Variants in CATSPER3 observed in about 807,000 individuals in gnomAD.
The protein encoded by CATSPER3 is cation channel sperm-associated protein 3.
Under a neutral mutation model 36.6 loss-of-function variants are expected in CATSPER3, and 23 were observed. That is an observed-to-expected ratio of 0.63 (90% CI 0.45 to 0.89). The LOEUF (loss-of-function observed/expected upper bound fraction) is 0.89, where lower values mean the gene tolerates loss of function less well. Among genes scored for constraint, CATSPER3 ranks in the 40% least tolerant of loss-of-function variants. The pLI is 0.00. For synonymous variants in CATSPER3, 172 were observed against 184.1 expected (o/e 0.93, Z 0.53); for missense variants, 474 against 503.9 (o/e 0.94, Z 0.57).
chr5:134,968,069 C>T lies in CATSPER3; in HGVS notation c.78C>T (p.Cys26=), dbSNP rs1419454371. ...TTGACACTACATCGGTGGGATTTTG[C>T]CCAACATTCAAGAAATTTAAGTAAA... ...SPVDTTSVGF[C]PTFKKFKRND... Residue 26 remains cysteine (C), a synonymous_variant, in exon 1 of 8, where the codon TGC becomes TGT. Coordinates refer to ENST00000282611, the MANE Select transcript of CATSPER3 (RefSeq NM_178019.3). 3 of 1,612,088 alleles carry T rather than the reference C, an allele frequency of 1.9e-6. No individual in the cohort carries two copies. Among genetic ancestry groups the T allele is most frequent in the Non-Finnish European group, 2.5e-6 (3 of 1,178,314 alleles).
intron 2 of CATSPER3, among the ~76,000 whole-genome samples, chr5:134,976,839 C>T (rs531108409): frequency 1.8e-4 from 28 of 152,366 alleles, no homozygotes; most frequent in South Asian, 4.1e-4. Flanking sequence ...GTGGAAGCCA[C>T]CAAGGCTTGC....
At chr5:134,989,490 C>G (rs1751853845) in intron 2 of CATSPER3, among the ~76,000 whole-genome samples, 1 of 152,258 alleles carries the variant, frequency 6.6e-6, no homozygotes, top group Non-Finnish European at 1.5e-5. Flanking sequence ...TAAGGCGTTG[C>G]AGCTTCTCTA....
At chr5:134,978,058 C>T (rs1222565199) in intron 2 of CATSPER3, among the ~76,000 whole-genome samples, 1 of 152,170 alleles carries the variant, frequency 6.6e-6, no homozygotes, top group African/African-American at 2.4e-5. Context: ...TGCTGGGCCC[C>T]ATCTCCAACA....
chr5:134,986,480 G>A (rs1356374536), intron 2 of CATSPER3, among the ~76,000 whole-genome samples: 1 of 32,434 alleles, frequency 3.1e-5, no homozygotes, highest in Non-Finnish European at 5.7e-5. Context: ...TTTTTTTTTT[G>A]AGATGAAGTC....
At chr5:134,974,253 AG>A (rs919444247) in intron 2 of CATSPER3, among the ~76,000 whole-genome samples, 1 of 152,348 alleles carries the variant, frequency 6.6e-6, no homozygotes, top group African/African-American at 2.4e-5. Flanking sequence ...CAAACTCCCC[AG>A]GTTCTTTAAC....
chr5:135,005,551 G>T (rs1374469082), intron 3 of CATSPER3, among the ~76,000 whole-genome samples: 1 of 152,192 alleles, frequency 6.6e-6, no homozygotes, highest in Non-Finnish European at 1.5e-5. Context: ...AGCTGGACCT[G>T]CCCATGGTCG....
At chr5:135,006,315 G>A (rs1231952689) in intron 3 of CATSPER3, among the ~76,000 whole-genome samples, 1 of 152,196 alleles carries the variant, frequency 6.6e-6, no homozygotes, top group Non-Finnish European at 1.5e-5. Context: ...GACCTCAGGT[G>A]GCACCAGCTT....
rs551149198 is a variant in CATSPER3, at chr5:134,997,341, C to A, written c.492+829C>A. ...AGAGGTCTCCCCTGCTGCATACACACCTTTGTTTGTTTCTTGCTGTCATGT... is the reference window on the plus strand; with the variant it reads ...AGAGGTCTCCCCTGCTGCATACACAACTTTGTTTGTTTCTTGCTGTCATGT... On this transcript the variant is annotated intron_variant, in intron 3 of 7. Transcript: ENST00000282611. Among the ~76,000 whole-genome samples the A allele has an allele frequency of 5.9e-5, 9 of 152,348 alleles. No homozygotes were observed. In the East Asian group the frequency reaches 1.7e-3, roughly 29 times the overall value.
chr5:134,999,244 G>C (rs911446383), intron 3 of CATSPER3, among the ~76,000 whole-genome samples: 3 of 152,146 alleles, frequency 2.0e-5, no homozygotes, highest in African/African-American at 7.2e-5. Context: ...TATTATTTCT[G>C]AGGGCTCTGT....
intron 1 of CATSPER3, 119 bp from the exon 2 acceptor site, chr5:134,969,820 G>A: frequency 9.7e-7 from 1 of 1,033,180 alleles, no homozygotes; most frequent in Non-Finnish European, 1.5e-6. Context: ...AAAAGTATAT[G>A]TAAATTTATA....
intron 2 of CATSPER3, among the ~76,000 whole-genome samples, chr5:134,977,704 C>T (rs1284743335): frequency 1.3e-5 from 2 of 152,138 alleles, no homozygotes; most frequent in East Asian, 3.8e-4. Flanking sequence ...CTTCTGGTAC[C>T]ATTTTCCCAT....
chr5:134,982,432 G>A (rs1417911761), intron 2 of CATSPER3, among the ~76,000 whole-genome samples: 1 of 152,084 alleles, frequency 6.6e-6, no homozygotes, highest in Non-Finnish European at 1.5e-5. Context: ...AATAAAGTGA[G>A]AATCTTGAAA....
At chr5:134,989,700 C>T (rs1751855666) in intron 2 of CATSPER3, among the ~76,000 whole-genome samples, 1 of 152,156 alleles carries the variant, frequency 6.6e-6, no homozygotes, top group Non-Finnish European at 1.5e-5. Flanking sequence ...TACAGACTGC[C>T]AAAACTTTCT....
intron 3 of CATSPER3, 126 bp from the exon 4 acceptor site, chr5:135,007,831 C>CT: frequency 2.6e-6 from 1 of 391,102 alleles, no homozygotes; most frequent in Non-Finnish European, 5.0e-6. Context: ...TATTGAGCAT[C>CT]TACCTTGTGC....
chr5:135,010,286 G>T, intron 6 of CATSPER3, 87 bp from the exon 7 acceptor site: 1 of 1,192,892 alleles, frequency 8.4e-7, no homozygotes. Flanking sequence ...CCGCTGCCTG[G>T]GGCCCATCCT....
chr5:134,976,899 G>T (rs1288783735), intron 2 of CATSPER3, among the ~76,000 whole-genome samples: 2 of 152,234 alleles, frequency 1.3e-5, no homozygotes, highest in Non-Finnish European at 2.9e-5. Context: ...GGGTTCCAGA[G>T]CAGACCTTAT....
At chr5:134,993,651 G>A (rs1403734680) in intron 2 of CATSPER3, among the ~76,000 whole-genome samples, 1 of 152,030 alleles carries the variant, frequency 6.6e-6, no homozygotes, top group Non-Finnish European at 1.5e-5. Flanking sequence ...TGAAAACCTA[G>A]CTGAAATAGA....
chr5:134,973,478 G>C (rs1751631950), intron 2 of CATSPER3, among the ~76,000 whole-genome samples: 1 of 151,610 alleles, frequency 6.6e-6, no homozygotes, highest in African/African-American at 2.4e-5. Context: ...GTGTTCTTAA[G>C]AACCAGGATA....
chr5:134,985,735 C>T (rs912797747), intron 2 of CATSPER3, among the ~76,000 whole-genome samples: 2 of 151,260 alleles, frequency 1.3e-5, no homozygotes, highest in African/African-American at 4.9e-5. Context: ...ATAATGGGAC[C>T]CCCATCTATT....
Sources: allele counts gnomAD v4.1 joint callset (sites outside exome capture counted in the v4.1 genomes callset), GRCh38; gene constraint gnomAD v4.1.1; transcripts MANE v1.5; gene names NCBI Gene and HGNC (gene_info 2026-07-23, HGNC 2026-07-21).